Variants in PLXNC1 observed in about 807,000 individuals in gnomAD.
PLXNC1 encodes plexin C1, also known as plexin-C1.
PLXNC1 carries 75 observed loss-of-function variants against 178.2 expected under a neutral mutation model. That is an observed-to-expected ratio of 0.42 (90% CI 0.35 to 0.51). PLXNC1 has a LOEUF of 0.51. PLXNC1 is among the 20% of genes least tolerant of loss of function. The pLI, the probability that PLXNC1 is intolerant of heterozygous loss-of-function variation, is 0.02. For missense variants in PLXNC1, 1,503 were observed against 1,984.4 expected (o/e 0.76, Z 4.61); for synonymous variants, 790 against 779.9 (o/e 1.01, Z -0.22).
intron 21 of PLXNC1, chr12:94,272,263 A>C (rs1236761340): frequency 6.6e-6 from 1 of 152,270 alleles, no homozygotes; most frequent in Non-Finnish European, 1.5e-5. Context: ...CCCTGGTGGC[A>C]TTCTGGGTGG....
intron 1 of PLXNC1, among the ~76,000 whole-genome samples, chr12:94,161,592 T>G (rs1353800814): frequency 6.6e-6 from 1 of 152,250 alleles, no homozygotes; most frequent in African/African-American, 2.4e-5. Flanking sequence ...CCTATTATTA[T>G]TTGCTTTGGT....
chr12:94,164,649 C>G (rs907161168), intron 1 of PLXNC1, among the ~76,000 whole-genome samples: 3 of 146,462 alleles, frequency 2.0e-5, no homozygotes, highest in African/African-American at 7.6e-5. Flanking sequence ...CATGATATGC[C>G]CATGACTCCC....
chr12:94,235,193 C>T (rs1964208710), intron 9 of PLXNC1, among the ~76,000 whole-genome samples: 1 of 152,066 alleles, frequency 6.6e-6, no homozygotes, highest in Non-Finnish European at 1.5e-5. Flanking sequence ...AGAACCCTCT[C>T]TAAACAATAG....
intron 10 of PLXNC1, 106 bp from the exon 11 acceptor site, chr12:94,240,379 T>C: frequency 2.3e-6 from 2 of 851,178 alleles, no homozygotes; most frequent in Non-Finnish European, 3.7e-6. Flanking sequence ...TTCTGCTCCT[T>C]CATGAAGTGT....
In PLXNC1 at chr12:94,171,456, G is replaced by T. The variant is rs568138621; in HGVS notation, c.1203+2163G>T. 3.3e-5 allele frequency among the ~76,000 whole-genome samples: 5 copies of T among 152,282 alleles called. No homozygotes were observed. In the South Asian group the frequency reaches 1.0e-3, roughly 32 times the overall value. ...TTCAGTCCTCTCCATGACACAATGGGGCAGGCCTACTATTCCCATTTTACA... is the reference window on the plus strand; with the variant it reads ...TTCAGTCCTCTCCATGACACAATGGTGCAGGCCTACTATTCCCATTTTACA... On this transcript the variant is annotated intron_variant, in intron 2 of 30. Coordinates refer to ENST00000258526, the MANE Select transcript of PLXNC1 (RefSeq NM_005761.3).
chr12:94,306,096 A>G lies in PLXNC1; in HGVS notation c.*811A>G, dbSNP rs1360282579. 6.6e-6 allele frequency: 1 copy of G among 152,174 alleles called. No homozygotes were observed. The highest frequency in any genetic ancestry group is 1.9e-4 in the East Asian group (1 of 5,194). 9.4% of individuals were successfully genotyped at this position (152,174 alleles called of 1,614,324 possible). Reference sequence around the variant, plus strand: ...TTGGATATTATACAAAAAAATCATTAATTCATTTCTGTTCCAAAACCTTTG... The same window carrying G: ...TTGGATATTATACAAAAAAATCATTGATTCATTTCTGTTCCAAAACCTTTG... On this transcript the variant is annotated 3_prime_UTR_variant, in exon 31 of 31. Transcript: ENST00000258526.
At chr12:94,206,912 T>G (rs1238508521) in intron 4 of PLXNC1, among the ~76,000 whole-genome samples, 2 of 152,158 alleles carry the variant, frequency 1.3e-5, no homozygotes, top group Non-Finnish European at 2.9e-5. Context: ...GCTCAAGTGT[T>G]TATGCACTTG....
At chr12:94,209,148 T>C (rs1248889718) in intron 4 of PLXNC1, among the ~76,000 whole-genome samples, 1 of 152,158 alleles carries the variant, frequency 6.6e-6, no homozygotes, top group Non-Finnish European at 1.5e-5. Context: ...TTAAACAAAA[T>C]CAAGTTACAC....
At chr12:94,298,451 G>A (rs1406611016) in intron 26 of PLXNC1, among the ~76,000 whole-genome samples, 181 bp from the exon 27 acceptor site, 4 of 152,162 alleles carry the variant, frequency 2.6e-5, no homozygotes, top group Admixed American at 2.6e-4. Context: ...GGATTTTCAA[G>A]ACTTTTGACC....
intron 20 of PLXNC1, among the ~76,000 whole-genome samples, chr12:94,263,288 G>C (rs1008097979): frequency 2.0e-5 from 3 of 151,978 alleles, no homozygotes; most frequent in African/African-American, 7.3e-5. Flanking sequence ...TGTAGGTCTA[G>C]AGTGGAGCTC....
intron 14 of PLXNC1, among the ~76,000 whole-genome samples, chr12:94,251,020 C>T (rs890597788): frequency 6.6e-6 from 1 of 152,222 alleles, no homozygotes; most frequent in African/African-American, 2.4e-5. Context: ...GACTTTGTCT[C>T]TAAAACAAAA....
intron 4 of PLXNC1, among the ~76,000 whole-genome samples, chr12:94,193,713 T>C (rs1024452341): frequency 6.6e-6 from 1 of 151,896 alleles, no homozygotes; most frequent in African/African-American, 2.4e-5. Context: ...GAGTGTGCAG[T>C]GGGGTGAGTT....
intron 4 of PLXNC1, 62 bp downstream of exon 4, chr12:94,186,535 C>G (rs1962515569): frequency 2.0e-6 from 2 of 1,021,388 alleles, no homozygotes; most frequent in African/African-American, 3.2e-5. Context: ...CGGCAGAACA[C>G]TTGTTGCCCT....
At chr12:94,223,349 TC>T (rs1210696885) in intron 6 of PLXNC1, among the ~76,000 whole-genome samples, 1 of 152,238 alleles carries the variant, frequency 6.6e-6, no homozygotes, top group African/African-American at 2.4e-5. Flanking sequence ...TTAGCACTGG[TC>T]CGTGGACAGA....
intron 4 of PLXNC1, among the ~76,000 whole-genome samples, chr12:94,187,572 A>C (rs1365633922): frequency 6.6e-6 from 1 of 152,242 alleles, no homozygotes; most frequent in Non-Finnish European, 1.5e-5. Context: ...AGCAAGGGCC[A>C]GAAAAATGCT....
chr12:94,175,847 A>G (rs1210320160), intron 2 of PLXNC1, among the ~76,000 whole-genome samples: 1 of 152,242 alleles, frequency 6.6e-6, no homozygotes, highest in Non-Finnish European at 1.5e-5. Flanking sequence ...ACAGAAAACA[A>G]GTAAATGGAT....
intron 21 of PLXNC1, among the ~76,000 whole-genome samples, chr12:94,268,156 C>T (rs1210087658): frequency 6.6e-6 from 1 of 152,202 alleles, no homozygotes; most frequent in Non-Finnish European, 1.5e-5. Context: ...CTCAGAAGCA[C>T]AGCACCTCAT....
chr12:94,203,348 C>T (rs1963199060), intron 4 of PLXNC1, among the ~76,000 whole-genome samples: 1 of 152,196 alleles, frequency 6.6e-6, no homozygotes, highest in Admixed American at 6.5e-5. Flanking sequence ...CTACAAGGCT[C>T]TGAGAAGTCC....
intron 22 of PLXNC1, 34 bp from the exon 23 acceptor site, chr12:94,282,264 A>T: frequency 6.9e-7 from 1 of 1,445,042 alleles, no homozygotes; most frequent in Non-Finnish European, 9.7e-7. Context: ...GCATTTTAAA[A>T]CTCTCTAAAA....
Sources: allele counts gnomAD v4.1 joint callset (sites outside exome capture counted in the v4.1 genomes callset), GRCh38; gene constraint gnomAD v4.1.1; transcripts MANE v1.5; gene names NCBI Gene and HGNC (gene_info 2026-07-23, HGNC 2026-07-21).